The following RAB3C variants were observed in gnomAD, a reference collection of about 807,000 sequenced individuals.
The protein encoded by RAB3C is ras-related protein Rab-3C.
A neutral mutation model predicts 26.4 loss-of-function variants in RAB3C; 17 were observed. The observed-to-expected ratio is 0.64, with a 90% CI of 0.44 to 0.97. RAB3C has a LOEUF of 0.97. Among genes scored for constraint, RAB3C ranks in the 50% least tolerant of loss-of-function variants. The pLI is 0.00. For synonymous variants in RAB3C, 91 were observed against 95.9 expected, an observed-to-expected ratio of 0.95 and a Z score of 0.30; for missense variants, 242 against 281.9, an observed-to-expected ratio of 0.86 and a Z score of 1.01.
chr5:58,825,667 T>C (rs1309436114), intron 4 of RAB3C, among the ~76,000 whole-genome samples: 1 of 152,164 alleles, frequency 6.6e-6, no homozygotes, highest in Non-Finnish European at 1.5e-5. Flanking sequence ...ATGAGTATCA[T>C]AGCCCGTGCC....
chr5:58,843,183 G>A (rs931578696), intron 4 of RAB3C, among the ~76,000 whole-genome samples: 1 of 152,142 alleles, frequency 6.6e-6, no homozygotes, highest in Admixed American at 6.5e-5. Context: ...CTTAATAAAT[G>A]TTAGTTACAT....
At chr5:58,662,549 A>G (rs1007958173) in intron 2 of RAB3C, among the ~76,000 whole-genome samples, 5 of 150,368 alleles carry the variant, frequency 3.3e-5, no homozygotes, top group Non-Finnish European at 7.3e-5. Flanking sequence ...AGGTATTAAT[A>G]AGACCATTTA....
intron 2 of RAB3C, among the ~76,000 whole-genome samples, chr5:58,625,593 T>A (rs998989565): frequency 2.6e-4 from 39 of 152,270 alleles, no homozygotes; most frequent in Middle Eastern, 3.4e-3. Context: ...GCACTGTGGC[T>A]TATGCCTGTA....
intron 4 of RAB3C, among the ~76,000 whole-genome samples, chr5:58,826,340 G>T (rs1358385409): frequency 1.3e-5 from 2 of 152,178 alleles, no homozygotes; most frequent in African/African-American, 4.8e-5. Flanking sequence ...AAAGGGCACA[G>T]TCATGCATGG....
intron 4 of RAB3C, among the ~76,000 whole-genome samples, chr5:58,828,284 C>T (rs1743535408): frequency 6.6e-6 from 1 of 152,148 alleles, no homozygotes; most frequent in African/African-American, 2.4e-5. Context: ...TCTGGCTTTC[C>T]CTTTCTCAGC....
At chr5:58,819,995 A>G (rs530908278) in intron 3 of RAB3C, among the ~76,000 whole-genome samples, 5 of 152,330 alleles carry the variant, frequency 3.3e-5, no homozygotes, top group Admixed American at 2.0e-4. Flanking sequence ...TTATATTGCC[A>G]AAGTCATACA....
intron 2 of RAB3C, among the ~76,000 whole-genome samples, chr5:58,685,425 G>A (rs139660956): frequency 1.1e-4 from 17 of 151,908 alleles, no homozygotes; most frequent in African/African-American, 3.6e-4. Flanking sequence ...ACTTTCTGTC[G>A]CCCACTTAAA....
At chr5:58,657,513 G>A (rs1747808197) in intron 2 of RAB3C, among the ~76,000 whole-genome samples, 1 of 152,174 alleles carries the variant, frequency 6.6e-6, no homozygotes, top group African/African-American at 2.4e-5. Context: ...TTAGAGAGCA[G>A]CAGTACAATA....
intron 2 of RAB3C, among the ~76,000 whole-genome samples, chr5:58,716,317 A>G (rs939513018): frequency 6.6e-6 from 1 of 152,148 alleles, no homozygotes; most frequent in East Asian, 1.9e-4. Context: ...AAGCACATAC[A>G]TGAACAAAGG....
chr5:58,714,278 C>A (rs1749122826), intron 2 of RAB3C, among the ~76,000 whole-genome samples: 1 of 152,176 alleles, frequency 6.6e-6, no homozygotes, highest in African/African-American at 2.4e-5. Flanking sequence ...AGATTTACAG[C>A]AGACTTTTCA....
At chr5:58,666,357 A>G (rs948995438) in intron 2 of RAB3C, among the ~76,000 whole-genome samples, 26 of 152,130 alleles carry the variant, frequency 1.7e-4, no homozygotes, top group African/African-American at 6.3e-4. Flanking sequence ...ATTACTCTGT[A>G]TGAGTGGATA....
chr5:58,715,883 C>T (rs867781750), intron 2 of RAB3C, among the ~76,000 whole-genome samples: 13 of 151,898 alleles, frequency 8.6e-5, no homozygotes, highest in Admixed American at 1.3e-4. Context: ...ATCAGGAGAG[C>T]GTCATGCCCT....
chr5:58,683,899 A>G (rs1748395329), intron 2 of RAB3C, among the ~76,000 whole-genome samples: 1 of 152,212 alleles, frequency 6.6e-6, no homozygotes, highest in South Asian at 2.1e-4. Flanking sequence ...ACCAAAGCAC[A>G]AGAGTATTGA....
chr5:58,762,725 T>C (rs1741824530), intron 3 of RAB3C, among the ~76,000 whole-genome samples: 1 of 152,170 alleles, frequency 6.6e-6, no homozygotes, highest in African/African-American at 2.4e-5. Flanking sequence ...TAAATTGACT[T>C]GCTTAATTGA....
In RAB3C at chr5:58,610,991, G is replaced by A. The variant is rs539122225; in HGVS notation, c.25-6652G>A. Reference sequence around the variant, plus strand: ...CTCATCATTTAGCTACCACTCGTAAGTGAGAACATGAAGTATTTGGTTTTC... The same window carrying A: ...CTCATCATTTAGCTACCACTCGTAAATGAGAACATGAAGTATTTGGTTTTC... On this transcript the variant is annotated intron_variant, in intron 1 of 4. Coordinates refer to ENST00000282878, the MANE Select transcript of RAB3C (RefSeq NM_138453.4). Among the ~76,000 whole-genome samples the A allele has an allele frequency of 9.2e-5, 14 of 152,164 alleles. No individual in the cohort carries two copies. In the South Asian group the frequency reaches 2.9e-3, roughly 32 times the overall value.
intron 3 of RAB3C, among the ~76,000 whole-genome samples, chr5:58,806,353 A>C (rs1054679732): frequency 2.6e-5 from 4 of 152,166 alleles, no homozygotes; most frequent in Admixed American, 6.5e-5. Context: ...TGTTATTCTA[A>C]TGAGGAAGAA....
intron 2 of RAB3C, among the ~76,000 whole-genome samples, chr5:58,687,090 A>G (rs1366185659): frequency 6.6e-6 from 1 of 152,172 alleles, no homozygotes; most frequent in Non-Finnish European, 1.5e-5. Context: ...AATGAAGACA[A>G]TGTAATCATC....
intron 4 of RAB3C, among the ~76,000 whole-genome samples, chr5:58,830,528 T>C (rs981065097): frequency 1.3e-5 from 2 of 152,160 alleles, no homozygotes; most frequent in Admixed American, 1.3e-4. Flanking sequence ...GAAAAGTGGA[T>C]TTTAAGAACC....
intron 2 of RAB3C, among the ~76,000 whole-genome samples, chr5:58,681,365 C>G (rs998517438): frequency 2.6e-5 from 4 of 152,112 alleles, no homozygotes; most frequent in Non-Finnish European, 4.4e-5. Flanking sequence ...GGAAATGAAA[C>G]TGGTACTAAA....
Sources: allele counts gnomAD v4.1 joint callset (sites outside exome capture counted in the v4.1 genomes callset), GRCh38; gene constraint gnomAD v4.1.1; transcripts MANE v1.5; gene names NCBI Gene and HGNC (gene_info 2026-07-23, HGNC 2026-07-21).